The following LONRF1 variants were observed in gnomAD, a reference collection of about 807,000 sequenced individuals.
LONRF1 encodes LON peptidase N-terminal domain and ring finger 1, also known as LON peptidase N-terminal domain and RING finger protein 1.
A neutral mutation model predicts 85.8 loss-of-function variants in LONRF1; 37 were observed. That is an observed-to-expected ratio of 0.43 (90% CI 0.33 to 0.57). LONRF1 has a LOEUF of 0.57. LONRF1 is among the 20% of genes least tolerant of loss of function. The pLI, the probability that LONRF1 is intolerant of heterozygous loss-of-function variation, is 0.04. For missense variants in LONRF1, 1,036 were observed against 978.0 expected, an observed-to-expected ratio of 1.06 and a Z score of -0.79; for synonymous variants, 517 against 390.1, an observed-to-expected ratio of 1.33 and a Z score of -3.83.
At chr8:12,744,152 T>C (rs764387188) in intron 1 of LONRF1, among the ~76,000 whole-genome samples, 1 of 152,188 alleles carries the variant, frequency 6.6e-6, no homozygotes, top group Non-Finnish European at 1.5e-5. Context: ...AAAGTATTCA[T>C]TGTAAGATGG....
intron 6 of LONRF1, chr8:12,735,646 G>T: frequency 4.8e-6 from 2 of 419,312 alleles, no homozygotes; most frequent in Non-Finnish European, 4.3e-6. Context: ...CCTGACTAAC[G>T]CAACAGCCCC....
intron 1 of LONRF1, among the ~76,000 whole-genome samples, chr8:12,751,836 T>G (rs2117356621): frequency 6.6e-6 from 1 of 152,242 alleles, no homozygotes. Context: ...GGGGATCATT[T>G]CAGTAGGCTC....
intron 11 of LONRF1, among the ~76,000 whole-genome samples, chr8:12,723,957 A>G (rs1459150986): frequency 6.6e-6 from 1 of 152,200 alleles, no homozygotes; most frequent in East Asian, 1.9e-4. Flanking sequence ...AATTTCCATA[A>G]AAGGACTTGT....
intron 1 of LONRF1, among the ~76,000 whole-genome samples, chr8:12,747,681 T>C (rs1221760264): frequency 1.3e-5 from 2 of 152,234 alleles, no homozygotes; most frequent in South Asian, 2.1e-4. Flanking sequence ...TGTTTTAAAG[T>C]TGAAAACTTT....
rs958784468 is a variant in LONRF1, at chr8:12,723,322, C to CA, written c.2164-69dup. ...TTATGTAACAACAGTAGCAAACCAC[C>CA]AAAAAATTACTATTTATTGAGCACT... On this transcript the variant is annotated intron_variant, in intron 11 of 11. Coordinates refer to ENST00000398246, the MANE Select transcript of LONRF1 (RefSeq NM_152271.5). 16 of 1,426,400 alleles carry CA rather than the reference C, an allele frequency of 1.1e-5. No homozygotes were observed. In the East Asian group the frequency reaches 3.7e-4, roughly 33 times the overall value. The allele number at this position is 1,426,400 out of a possible 1,614,324, so 88.4% of individuals were successfully genotyped here.
chr8:12,739,130 T>A (rs1167558615), intron 3 of LONRF1, among the ~76,000 whole-genome samples: 1 of 151,966 alleles, frequency 6.6e-6, no homozygotes. Context: ...CACTGCTAAG[T>A]TTTTGCCAAA....
intron 8 of LONRF1, 75 bp downstream of exon 8, chr8:12,731,661 T>C (rs1798533728): frequency 1.6e-6 from 2 of 1,262,514 alleles, no homozygotes; most frequent in Non-Finnish European, 2.2e-6. Context: ...AAAGACAGGA[T>C]CCAGCTTGCG....
At position 12,754,725 on chromosome 8, in the gene LONRF1, G is replaced by C. The variant is rs754524891; in HGVS notation, c.696C>G (p.Ala232=). The change falls in exon 1 of 12, where the codon GCC becomes GCG. Residue 232 remains alanine, a synonymous_variant. Transcript: ENST00000398246. ...CTGCTCGCAGCGCCTCGCAGGCGGC[G>C]GCCAGGGCCTCCCGGTAGCGCCCCT... ...LHQGRYREAL[A]AACEALRAEP... The C allele has an allele frequency of 2.1e-5, 30 of 1,409,318 alleles. No individual in the cohort carries two copies. The highest frequency in any genetic ancestry group is 9.2e-7 in the Non-Finnish European group (1 of 1,091,020). 87.3% of individuals were successfully genotyped at this position (1,409,318 alleles called of 1,614,324 possible).
At chr8:12,724,180 C>T (rs1003972895) in intron 11 of LONRF1, among the ~76,000 whole-genome samples, 1 of 152,144 alleles carries the variant, frequency 6.6e-6, no homozygotes, top group Admixed American at 6.5e-5. Context: ...TTCTAAAATC[C>T]CCTCTGCCAT....
chr8:12,746,124 C>T (rs144747080), intron 1 of LONRF1, among the ~76,000 whole-genome samples: 4 of 152,248 alleles, frequency 2.6e-5, no homozygotes, highest in African/African-American at 7.2e-5. Flanking sequence ...TCCCCTTTTC[C>T]AATCCTATCT....
intron 7 of LONRF1, among the ~76,000 whole-genome samples, chr8:12,734,726 A>G (rs537582873): frequency 6.6e-6 from 1 of 152,338 alleles, no homozygotes; most frequent in Non-Finnish European, 1.5e-5. Flanking sequence ...TGTCGCAGCC[A>G]TTAGTCACAT....
At chr8:12,735,715 G>C (rs1231605472) in intron 6 of LONRF1, 2 of 210,768 alleles carry the variant, frequency 9.5e-6, no homozygotes, top group Non-Finnish European at 9.4e-6. Flanking sequence ...TATGTGCACT[G>C]AATGTAAAAT....
At chr8:12,741,422 G>C (rs1798930670) in intron 2 of LONRF1, among the ~76,000 whole-genome samples, 1 of 152,002 alleles carries the variant, frequency 6.6e-6, no homozygotes, top group Non-Finnish European at 1.5e-5. Context: ...TTGAAATTCT[G>C]AATAATTGAG....
At chr8:12,726,001 G>T in intron 10 of LONRF1, 122 bp from the exon 11 acceptor site, 1 of 793,098 alleles carries the variant, frequency 1.3e-6, no homozygotes. Flanking sequence ...CAGTGCTGAC[G>T]TCCCAGAGAG....
At chr8:12,743,447 G>A (rs78242053) in intron 1 of LONRF1, among the ~76,000 whole-genome samples, 165 bp from the exon 2 acceptor site, 4 of 152,200 alleles carry the variant, frequency 2.6e-5, no homozygotes, top group South Asian at 2.1e-4. Context: ...CCCATTTTAC[G>A]TGTTGAATCT....
intron 3 of LONRF1, 111 bp from the exon 4 acceptor site, chr8:12,738,255 T>G (rs1331541303): frequency 2.7e-6 from 2 of 731,724 alleles, no homozygotes; most frequent in Non-Finnish European, 4.1e-6. Context: ...CAGACATTTT[T>G]TTAATGAGCA....
chr8:12,752,908 C>T (rs994386682), intron 1 of LONRF1: 2 of 152,194 alleles, frequency 1.3e-5, no homozygotes, highest in African/African-American at 4.8e-5. Flanking sequence ...CAGGATGAAC[C>T]CTAGACCAAC....
Position 12,754,766 on chromosome 8 carries a change from C to A in LONRF1, c.655G>T (p.Gly219Trp), listed in dbSNP as rs1374651533. 2.0e-6 allele frequency: 3 copies of A among 1,470,752 alleles called. No homozygotes were observed. Among genetic ancestry groups the A allele is most frequent in the Non-Finnish European group, 2.7e-6 (3 of 1,119,524 alleles). 91.1% of individuals were successfully genotyped at this position (1,470,752 alleles called of 1,614,324 possible). The change falls in exon 1 of 12, where the codon GGG becomes TGG. Residue 219 changes from glycine to tryptophan, a missense_variant. Coordinates refer to ENST00000398246, the MANE Select transcript of LONRF1 (RefSeq NM_152271.5). Reference protein sequence around the residue: ...RERARAAGRLGELLHQGRYRE... With the variant: ...RERARAAGRLWELLHQGRYRE... ...TAGCGCCCCTGGTGCAGTAGCTCCCCGAGCCTGCCGGCCGCCCGGGCCCGC... is the reference window on the plus strand; with the variant it reads ...TAGCGCCCCTGGTGCAGTAGCTCCCAGAGCCTGCCGGCCGCCCGGGCCCGC...
chr8:12,730,190 C>G (rs1479527429), intron 8 of LONRF1, among the ~76,000 whole-genome samples: 1 of 152,078 alleles, frequency 6.6e-6, no homozygotes, highest in African/African-American at 2.4e-5. Flanking sequence ...TACTATGTTT[C>G]CATTAAAAGA....
Sources: gnomAD v4.1 joint callset for allele counts (sites outside exome capture counted in the v4.1 genomes callset) on GRCh38, gnomAD v4.1.1 for gene constraint, MANE v1.5 for transcripts, NCBI Gene and HGNC (gene_info 2026-07-23, HGNC 2026-07-21) for gene names.